SGCZ: variants seen among roughly 807,000 people sequenced by gnomAD.
SGCZ encodes sarcoglycan zeta, also known as zeta-sarcoglycan.
A neutral mutation model predicts 41.3 loss-of-function variants in SGCZ; 40 were observed. The observed-to-expected ratio is 0.97, with a 90% CI of 0.75 to 1.26. SGCZ has a LOEUF of 1.26. Ranked by LOEUF, SGCZ falls within the 50% of genes most tolerant of loss-of-function variation. The pLI, the probability that SGCZ is intolerant of heterozygous loss-of-function variation, is 0.00. For synonymous variants in SGCZ, 206 were observed against 137.5 expected, an observed-to-expected ratio of 1.50 and a Z score of -3.49; for missense variants, 552 against 369.8, an observed-to-expected ratio of 1.49 and a Z score of -4.04.
chr8:14,229,635 C>A (rs1267505428), intron 4 of SGCZ, among the ~76,000 whole-genome samples: 4 of 129,778 alleles, frequency 3.1e-5, no homozygotes, highest in Non-Finnish European at 4.9e-5. Flanking sequence ...CAGACTATTA[C>A]AACATTCTCT....
At chr8:15,181,238 T>C (rs1800168335) in intron 1 of SGCZ, among the ~76,000 whole-genome samples, 2 of 152,292 alleles carry the variant, frequency 1.3e-5, no homozygotes, top group East Asian at 3.9e-4. Flanking sequence ...TGAAAATAGT[T>C]TTTTATACAA....
intron 1 of SGCZ, among the ~76,000 whole-genome samples, chr8:14,609,910 C>A (rs974684686): frequency 2.0e-5 from 3 of 151,986 alleles, no homozygotes; most frequent in Admixed American, 1.3e-4. Context: ...GCTTTGAGCA[C>A]CCTAATTTGT....
At position 14,573,539 on chromosome 8, in the gene SGCZ, T is replaced by C. The variant is rs372371561; in HGVS notation, c.40-18613A>G. On this transcript the variant is annotated intron_variant, in intron 1 of 7. Coordinates refer to ENST00000382080, the MANE Select transcript of SGCZ (RefSeq NM_139167.4). ...ACATTACCAATTTCTCCTACCTTTC[T>C]CCTCAACGAAAGAGCTATTAGAGAA... Among the ~76,000 whole-genome samples the C allele has an allele frequency of 1.8e-4, 27 of 152,272 alleles. No homozygotes were observed. The East Asian group carries it at 4.8e-3, about 27-fold the overall frequency.
At chr8:14,615,305 G>C (rs2221763) in intron 1 of SGCZ, among the ~76,000 whole-genome samples, 42,811 of 152,082 alleles carry the variant, frequency 0.28, 7,279 homozygotes, top group East Asian at 0.62. Context: ...TGCAAGCAAT[G>C]CACTCATCAC....
In SGCZ at chr8:15,092,020, C is replaced by T. The variant is rs192036036; in HGVS notation, c.39+145565G>A. ...CCACATGACTCGGCCTCCCAAAGTCCTGGAATTATAGGATGAGGCACCGTG... is the reference window on the plus strand; with the variant it reads ...CCACATGACTCGGCCTCCCAAAGTCTTGGAATTATAGGATGAGGCACCGTG... On this transcript the variant is annotated intron_variant, in intron 1 of 7. Transcript: ENST00000382080. Among the ~76,000 whole-genome samples the T allele has an allele frequency of 5.8e-3, 885 of 152,232 alleles. 7 individuals carry two copies. Among genetic ancestry groups the T allele is most frequent in the South Asian group, 0.013 (61 of 4,826 alleles).
At chr8:14,385,496 T>C (rs1804543990) in intron 2 of SGCZ, among the ~76,000 whole-genome samples, 1 of 152,188 alleles carries the variant, frequency 6.6e-6, no homozygotes, top group African/African-American at 2.4e-5. Context: ...GTCCACACCA[T>C]ACCTTTCAAA....
At chr8:14,819,369 A>G (rs559564510) in intron 1 of SGCZ, among the ~76,000 whole-genome samples, 33 of 152,178 alleles carry the variant, frequency 2.2e-4, no homozygotes, top group African/African-American at 7.7e-4. Flanking sequence ...CTCTTAGCAA[A>G]TAGTTTGTTT....
At chr8:15,060,267 C>A (rs1030580426) in intron 1 of SGCZ, among the ~76,000 whole-genome samples, 1 of 152,010 alleles carries the variant, frequency 6.6e-6, no homozygotes, top group Non-Finnish European at 1.5e-5. Context: ...TTGGAACCAA[C>A]CCACATGTCC....
chr8:14,559,236 G>T (rs183084350), intron 1 of SGCZ, among the ~76,000 whole-genome samples: 1 of 151,944 alleles, frequency 6.6e-6, no homozygotes, highest in East Asian at 1.9e-4. Flanking sequence ...AAACCCTAAA[G>T]ACCCCTCCAA....
intron 1 of SGCZ, among the ~76,000 whole-genome samples, chr8:15,141,606 C>G (rs1369996417): frequency 6.6e-6 from 1 of 152,122 alleles, no homozygotes; most frequent in African/African-American, 2.4e-5. Context: ...AAGGCTTTGA[C>G]TAAAGTGAGA....
At chr8:14,926,735 G>C (rs1054774285) in intron 1 of SGCZ, among the ~76,000 whole-genome samples, 3 of 151,946 alleles carry the variant, frequency 2.0e-5, no homozygotes, top group Non-Finnish European at 4.4e-5. Flanking sequence ...CCAACTCTCT[G>C]GTTCAAGCGA....
intron 1 of SGCZ, among the ~76,000 whole-genome samples, chr8:14,790,231 T>C (rs559777427): frequency 5.9e-5 from 9 of 152,286 alleles, no homozygotes; most frequent in East Asian, 3.9e-4. Context: ...ACGACATAGA[T>C]ACCAAAGACC....
At chr8:14,344,454 A>T (rs1047701087) in intron 2 of SGCZ, among the ~76,000 whole-genome samples, 2 of 152,122 alleles carry the variant, frequency 1.3e-5, no homozygotes, top group Non-Finnish European at 2.9e-5. Context: ...TAACAACAAT[A>T]AAACTGACAG....
chr8:14,151,018 G>T (rs192656897), intron 5 of SGCZ, among the ~76,000 whole-genome samples: 1 of 152,098 alleles, frequency 6.6e-6, no homozygotes, highest in East Asian at 1.9e-4. Context: ...ATTACCAGAC[G>T]CTGGGAATGG....
At chr8:14,172,744 G>A (rs528219031) in intron 4 of SGCZ, among the ~76,000 whole-genome samples, 1 of 152,174 alleles carries the variant, frequency 6.6e-6, no homozygotes, top group South Asian at 2.1e-4. Flanking sequence ...AGCAGGAGGA[G>A]AGATGAGATT....
intron 1 of SGCZ, among the ~76,000 whole-genome samples, chr8:14,847,982 G>A (rs1451737610): frequency 6.6e-6 from 1 of 151,978 alleles, no homozygotes; most frequent in Non-Finnish European, 1.5e-5. Context: ...AATCATCCAT[G>A]TAGAAAATTA....
At chr8:14,205,755 T>C (rs1000090438) in intron 4 of SGCZ, among the ~76,000 whole-genome samples, 1 of 152,198 alleles carries the variant, frequency 6.6e-6, no homozygotes, top group African/African-American at 2.4e-5. Context: ...AATAATTTTA[T>C]GTTATTTTAA....
intron 2 of SGCZ, among the ~76,000 whole-genome samples, chr8:14,388,897 G>T (rs968851673): frequency 1.3e-5 from 2 of 150,376 alleles, no homozygotes; most frequent in African/African-American, 4.9e-5. Flanking sequence ...GAAAAACAAA[G>T]GAATTAGCAT....
chr8:14,356,219 G>A (rs1354140297), intron 2 of SGCZ, among the ~76,000 whole-genome samples: 1 of 152,074 alleles, frequency 6.6e-6, no homozygotes, highest in African/African-American at 2.4e-5. Flanking sequence ...CGGTAGATTA[G>A]GTGCATAAAA....
Sources: allele counts gnomAD v4.1 joint callset (sites outside exome capture counted in the v4.1 genomes callset), GRCh38; gene constraint gnomAD v4.1.1; transcripts MANE v1.5; gene names NCBI Gene and HGNC (gene_info 2026-07-23, HGNC 2026-07-21).